The following SUSD4 variants were observed in gnomAD, a reference collection of about 807,000 sequenced individuals.
The protein encoded by SUSD4 is sushi domain-containing protein 4.
Under a neutral mutation model 50.5 loss-of-function variants are expected in SUSD4, and 41 were observed. The observed-to-expected ratio is 0.81, with a 90% CI of 0.63 to 1.05. SUSD4 has a LOEUF of 1.05. Among genes scored for constraint, SUSD4 ranks in the 50% least tolerant of loss-of-function variants. The pLI is 0.00. For missense variants in SUSD4, 580 were observed against 634.7 expected (o/e 0.91, Z 0.93); for synonymous variants, 257 against 257.3 (o/e 1.00, Z 0.01).
chr1:223,311,801 A>G (rs527472116), intron 2 of SUSD4, among the ~76,000 whole-genome samples: 21 of 152,330 alleles, frequency 1.4e-4, no homozygotes, highest in African/African-American at 5.1e-4. Flanking sequence ...TAGGGCAGAA[A>G]ACAAAACAAA....
chr1:223,333,977 T>G (rs1451074658), intron 2 of SUSD4, among the ~76,000 whole-genome samples: 1 of 152,112 alleles, frequency 6.6e-6, no homozygotes, highest in Admixed American at 6.5e-5. Context: ...TGGCTGAATC[T>G]CAGCCCAGTC....
intron 2 of SUSD4, among the ~76,000 whole-genome samples, chr1:223,360,661 A>G (rs1333692001): frequency 6.6e-6 from 1 of 152,062 alleles, no homozygotes; most frequent in African/African-American, 2.4e-5. Context: ...TTTTTCTTCA[A>G]TACTTGTACT....
At chr1:223,323,560 G>T (rs1666710158) in intron 2 of SUSD4, among the ~76,000 whole-genome samples, 1 of 152,186 alleles carries the variant, frequency 6.6e-6, no homozygotes, top group Non-Finnish European at 1.5e-5. Flanking sequence ...CATGGAGACA[G>T]GGATGGGGGC....
In SUSD4 at chr1:223,280,698, G is replaced by A. The variant is rs1310048518; in HGVS notation, c.361+11741C>T. Among the ~76,000 whole-genome samples, 5 of 151,880 alleles carry A rather than the reference G, an allele frequency of 3.3e-5. No individual in the cohort carries two copies. In the East Asian group the frequency reaches 9.7e-4, roughly 30 times the overall value. ...ACCAACGAGACAGAAAGTTTACAAGGATATCCAGGAATTGAACTCAGCTCT... is the reference window on the plus strand; with the variant it reads ...ACCAACGAGACAGAAAGTTTACAAGAATATCCAGGAATTGAACTCAGCTCT... On this transcript the variant is annotated intron_variant, in intron 3 of 8. Coordinates refer to ENST00000366878, the MANE Select transcript of SUSD4 (RefSeq NM_017982.4).
intron 5 of SUSD4, among the ~76,000 whole-genome samples, chr1:223,235,812 A>T (rs1264873448): frequency 6.6e-6 from 1 of 152,222 alleles, no homozygotes; most frequent in Non-Finnish European, 1.5e-5. Context: ...TTATGAATAA[A>T]TCTGCTATAA....
chr1:223,239,186 C>T, intron 5 of SUSD4, among the ~76,000 whole-genome samples: 1 of 151,994 alleles, frequency 6.6e-6, no homozygotes, highest in African/African-American at 2.4e-5. Context: ...TAGCAGGGTA[C>T]ATTTTTTTCC....
At chr1:223,328,926 C>T (rs1667023947) in intron 2 of SUSD4, among the ~76,000 whole-genome samples, 1 of 152,188 alleles carries the variant, frequency 6.6e-6, no homozygotes, top group African/African-American at 2.4e-5. Context: ...TGACTATTAG[C>T]ACCATTCTCC....
intron 8 of SUSD4, 88 bp downstream of exon 8, chr1:223,223,161 G>T: frequency 6.7e-7 from 1 of 1,481,838 alleles, no homozygotes. Context: ...GTGCTGGGGG[G>T]TGGAGCGTGC....
chr1:223,229,567 G>A lies in SUSD4; in HGVS notation c.725-179C>T, dbSNP rs927813440. The stretch of plus-strand genomic sequence containing the variant: ...TTAGTATTTCATGGAAGGCGGAATG[G>A]AAGCCTGCTGTAATATTCTGAGCAC... On this transcript the variant is annotated intron_variant, in intron 5 of 8. Transcript: ENST00000366878. The surrounding 1 kb of genome is among the most constrained non-coding windows in gnomAD (Gnocchi z 4.7). 10 of 571,018 alleles carry A rather than the reference G, an allele frequency of 1.8e-5. No homozygotes were observed. The highest frequency in any genetic ancestry group is 3.0e-5 in the Non-Finnish European group (10 of 334,628). 35.4% of individuals were successfully genotyped at this position (571,018 alleles called of 1,614,324 possible).
chr1:223,250,344 G>A (rs1661216326), intron 5 of SUSD4, among the ~76,000 whole-genome samples: 2 of 152,168 alleles, frequency 1.3e-5, no homozygotes, highest in Admixed American at 1.3e-4. Context: ...AATGAGAGCA[G>A]TAATGACATT....
intron 2 of SUSD4, among the ~76,000 whole-genome samples, chr1:223,295,834 A>G (rs1167916346): frequency 3.3e-5 from 5 of 150,948 alleles, no homozygotes; most frequent in Admixed American, 6.6e-5. Context: ...CTAGAACTTA[A>G]AGTATAAAAA....
chr1:223,295,627 G>T (rs1178959948), intron 2 of SUSD4, among the ~76,000 whole-genome samples: 1 of 152,094 alleles, frequency 6.6e-6, no homozygotes, highest in Non-Finnish European at 1.5e-5. Flanking sequence ...TGTCAGGAAA[G>T]AGGTGGCTCT....
In SUSD4 at chr1:223,240,711, C is replaced by T. The variant is rs1660522052; in HGVS notation, c.725-11323G>A. Among the ~76,000 whole-genome samples the T allele has an allele frequency of 2.6e-5, 4 of 152,208 alleles. No individual in the cohort carries two copies. The South Asian group carries it at 8.3e-4, about 32-fold the overall frequency. On this transcript the variant is annotated intron_variant, in intron 5 of 8. Coordinates refer to ENST00000366878, the MANE Select transcript of SUSD4 (RefSeq NM_017982.4). ...TTTTTGTGCATGCTGAATATTTCCT[C>T]CATTAGAGCCCTTAGCATATTAATC...
intron 2 of SUSD4, among the ~76,000 whole-genome samples, chr1:223,328,252 T>C (rs1666986339): frequency 6.6e-6 from 1 of 152,220 alleles, no homozygotes; most frequent in African/African-American, 2.4e-5. Context: ...GTACAGCATC[T>C]CACTTAATCC....
chr1:223,282,677 T>G lies in SUSD4; in HGVS notation c.361+9762A>C, dbSNP rs1304274588. ...TGGCCATACTGCCCAAGGTAATTTA[T>G]AGATTCAATGCCATCCCCATCAAGC... On this transcript the variant is annotated intron_variant, in intron 3 of 8. Coordinates refer to ENST00000366878, the MANE Select transcript of SUSD4 (RefSeq NM_017982.4). 2.0e-5 allele frequency among the ~76,000 whole-genome samples: 3 copies of G among 152,276 alleles called. No individual in the cohort carries two copies. The East Asian group carries it at 5.8e-4, about 29-fold the overall frequency.
intron 2 of SUSD4, among the ~76,000 whole-genome samples, chr1:223,310,412 C>CA (rs1665804354): frequency 6.6e-6 from 1 of 152,160 alleles, no homozygotes; most frequent in African/African-American, 2.4e-5. Context: ...CAATTCCTAA[C>CA]AGTCTATTCA....
At chr1:223,281,000 C>T (rs931285541) in intron 3 of SUSD4, among the ~76,000 whole-genome samples, 13 of 152,176 alleles carry the variant, frequency 8.5e-5, no homozygotes, top group South Asian at 4.1e-4. Context: ...AGTTACATAA[C>T]GAAATGAAGG....
chr1:223,345,062 A>G (rs1667957064), intron 2 of SUSD4, among the ~76,000 whole-genome samples: 1 of 152,244 alleles, frequency 6.6e-6, no homozygotes, highest in South Asian at 2.1e-4. Flanking sequence ...CTACATATAC[A>G]CTATTCCTGT....
chr1:223,253,228 G>C (rs1302145031), intron 5 of SUSD4, among the ~76,000 whole-genome samples: 3 of 152,122 alleles, frequency 2.0e-5, no homozygotes, highest in South Asian at 4.2e-4. Context: ...TGGGATGAAG[G>C]CTCTGTCCTC....
Sources: gnomAD v4.1 joint callset for allele counts (sites outside exome capture counted in the v4.1 genomes callset) on GRCh38, gnomAD v4.1.1 for gene constraint, Gnocchi (gnomAD v3.1) non-coding constraint, MANE v1.5 for transcripts, NCBI Gene and HGNC (gene_info 2026-07-23, HGNC 2026-07-21) for gene names.